Variants in ZBTB16 observed in about 807,000 individuals in gnomAD.
The protein encoded by ZBTB16 is zinc finger and BTB domain-containing protein 16.
Under a neutral mutation model 56.8 loss-of-function variants are expected in ZBTB16, and 8 were observed. The ratio of observed to expected loss-of-function variants is 0.14; its 90% CI spans 0.08 to 0.25. The LOEUF is 0.25. ZBTB16 is among the 10% of genes least tolerant of loss of function. The pLI is 1.00. For synonymous variants in ZBTB16, 363 were observed against 368.5 expected, an observed-to-expected ratio of 0.98 and a Z score of 0.17; for missense variants, 625 against 903.0, an observed-to-expected ratio of 0.69 and a Z score of 3.95.
chr11:114,142,746 G>T (rs946079063), intron 2 of ZBTB16, among the ~76,000 whole-genome samples: 12 of 146,446 alleles, frequency 8.2e-5, no homozygotes, highest in African/African-American at 2.9e-4. Flanking sequence ...GGATGGAGGA[G>T]CATGGGGCCT....
intron 4 of ZBTB16, among the ~76,000 whole-genome samples, chr11:114,236,505 T>C (rs540070812): frequency 1.3e-5 from 2 of 152,196 alleles, no homozygotes; most frequent in African/African-American, 4.8e-5. Context: ...GAAGGAGTCC[T>C]GTCCAGCCCA....
intron 2 of ZBTB16, chr11:114,121,902 G>T: frequency 2.2e-6 from 1 of 452,194 alleles, no homozygotes; most frequent in Admixed American, 2.4e-5. Flanking sequence ...GAGATGTCAT[G>T]ACCCTGTGTT....
chr11:114,164,484 C>T (rs1022179841), intron 3 of ZBTB16, among the ~76,000 whole-genome samples: 13 of 152,314 alleles, frequency 8.5e-5, no homozygotes, highest in East Asian at 5.8e-4. Flanking sequence ...ATCCTTCCTA[C>T]GTTCTGGGTT....
chr11:114,223,587 C>T (rs963648590), intron 4 of ZBTB16, among the ~76,000 whole-genome samples: 2 of 152,092 alleles, frequency 1.3e-5, no homozygotes, highest in African/African-American at 4.8e-5. Context: ...ATTTATTGAA[C>T]ACCCATTCTT....
At chr11:114,137,120 T>C (rs1941817114) in intron 2 of ZBTB16, among the ~76,000 whole-genome samples, 1 of 152,222 alleles carries the variant, frequency 6.6e-6, no homozygotes. Context: ...TAAACTATTA[T>C]GGAAACAGAC....
chr11:114,134,436 G>T (rs1265244226), intron 2 of ZBTB16, among the ~76,000 whole-genome samples: 3 of 152,054 alleles, frequency 2.0e-5, no homozygotes, highest in African/African-American at 7.2e-5. Context: ...AGAGCTTTTG[G>T]TATCACAGGC....
intron 3 of ZBTB16, among the ~76,000 whole-genome samples, chr11:114,158,150 T>G (rs1304321971): frequency 3.9e-5 from 6 of 152,100 alleles, no homozygotes. Context: ...TGGTCTTGAT[T>G]TTTTCTGCTT....
chr11:114,219,225 G>A (rs1944174691), intron 4 of ZBTB16, among the ~76,000 whole-genome samples: 1 of 152,044 alleles, frequency 6.6e-6, no homozygotes, highest in Non-Finnish European at 1.5e-5. Context: ...CATCCCCATG[G>A]GTCAGAGTTC....
chr11:114,171,027 G>T (rs1464698677), intron 3 of ZBTB16, among the ~76,000 whole-genome samples: 1 of 152,154 alleles, frequency 6.6e-6, no homozygotes, highest in Non-Finnish European at 1.5e-5. Flanking sequence ...CTGCTGGGGG[G>T]CCAGTTTTGC....
At chr11:114,247,442 A>G in intron 6 of ZBTB16, 77 bp downstream of exon 6, 1 of 1,587,098 alleles carries the variant, frequency 6.3e-7, no homozygotes, top group African/African-American at 1.3e-5. Flanking sequence ...CTCCTAGAGA[A>G]GCCTAAGTGA....
chr11:114,184,265 A>G (rs1382276953), intron 3 of ZBTB16, among the ~76,000 whole-genome samples: 3 of 152,194 alleles, frequency 2.0e-5, no homozygotes, highest in African/African-American at 7.2e-5. Flanking sequence ...TAGGGTCCTC[A>G]TATTCTTCAC....
intron 2 of ZBTB16, among the ~76,000 whole-genome samples, chr11:114,126,649 G>A (rs1052313673): frequency 1.3e-5 from 2 of 152,182 alleles, no homozygotes; most frequent in African/African-American, 4.8e-5. Context: ...GAGGTTGAAG[G>A]GATGGTCAGA....
At position 114,061,850 on chromosome 11, in the gene ZBTB16, T is replaced by C. The variant is rs556060310; in HGVS notation, c.-90-1361T>C. On this transcript the variant is annotated intron_variant, in intron 1 of 6. Transcript: ENST00000335953. ...TCACTTCCAGCGCCTCTGAGCCATG[T>C]CCAGCATCCCTTGCTGCCCCTGGTC... 7.9e-5 allele frequency among the ~76,000 whole-genome samples: 12 copies of C among 152,268 alleles called. No homozygotes were observed. The East Asian group carries it at 2.3e-3, about 29-fold the overall frequency.
chr11:114,155,757 AT>A (rs1245038341), intron 2 of ZBTB16, among the ~76,000 whole-genome samples: 3 of 152,220 alleles, frequency 2.0e-5, no homozygotes, highest in Non-Finnish European at 4.4e-5. Context: ...GGGGTGGGTC[AT>A]TGCAGTCCTA....
At chr11:114,134,191 C>T (rs1428161041) in intron 2 of ZBTB16, among the ~76,000 whole-genome samples, 1 of 152,200 alleles carries the variant, frequency 6.6e-6, no homozygotes, top group Admixed American at 6.5e-5. Flanking sequence ...TTGCATTTGC[C>T]TTCTGCTCTG....
intron 4 of ZBTB16, among the ~76,000 whole-genome samples, chr11:114,208,462 A>T (rs543064390): frequency 6.6e-6 from 1 of 152,242 alleles, no homozygotes; most frequent in Admixed American, 6.5e-5. Flanking sequence ...TACCTCAAAA[A>T]GGGATGTGAG....
intron 3 of ZBTB16, 32 bp downstream of exon 3, chr11:114,156,466 A>G (rs757106053): frequency 2.1e-5 from 33 of 1,603,424 alleles, no homozygotes; most frequent in Non-Finnish European, 2.8e-5. Flanking sequence ...GCCCGTTCAG[A>G]TACAGGCAAC....
chr11:114,079,111 AAAG>A (rs201996900), intron 2 of ZBTB16, among the ~76,000 whole-genome samples: 64 of 81,350 alleles, frequency 7.9e-4, no homozygotes, highest in South Asian at 1.5e-3. Flanking sequence ...AAAAAAAAAA[AAAG>A]AAGAAGAAGA....
At chr11:114,237,587 A>G (rs1346384424) in intron 4 of ZBTB16, among the ~76,000 whole-genome samples, 1 of 152,168 alleles carries the variant, frequency 6.6e-6, no homozygotes, top group East Asian at 1.9e-4. Flanking sequence ...TTGCTAATAC[A>G]ATTTTCTAGA....
Sources: allele counts gnomAD v4.1 joint callset (sites outside exome capture counted in the v4.1 genomes callset), GRCh38; gene constraint gnomAD v4.1.1; transcripts MANE v1.5; gene names NCBI Gene and HGNC (gene_info 2026-07-23, HGNC 2026-07-21).